The following NEGR1 variants were observed in gnomAD, a reference collection of about 807,000 sequenced individuals.
NEGR1 encodes the protein neuronal growth regulator 1, also known as IgLON family member 4.
In NEGR1, 10 loss-of-function variants were observed where a neutral mutation model predicts 40.9. That is an observed-to-expected ratio of 0.24 (90% CI 0.15 to 0.42). NEGR1 has a LOEUF of 0.42. Among genes scored for constraint, NEGR1 ranks in the 10% least tolerant of loss-of-function variants. The probability of loss-of-function intolerance (pLI) is 1.00; values close to 1 mark genes in which losing one functional copy is unlikely to be tolerated. For missense variants in NEGR1, 352 were observed against 438.9 expected (o/e 0.80, Z 1.77); for synonymous variants, 185 against 166.8 (o/e 1.11, Z -0.84).
intron 2 of NEGR1, among the ~76,000 whole-genome samples, chr1:71,799,007 C>A (rs994329301): frequency 2.0e-5 from 3 of 151,228 alleles, no homozygotes; most frequent in African/African-American, 7.3e-5. Context: ...GAGCCTTGAG[C>A]CTTTTGAGGG....
chr1:71,938,311 A>C (rs541030585), intron 1 of NEGR1, among the ~76,000 whole-genome samples: 1 of 151,836 alleles, frequency 6.6e-6, no homozygotes, highest in African/African-American at 2.4e-5. Context: ...TAGAGAATAC[A>C]TGTAGTTTAA....
chr1:72,190,053 T>C (rs867269049), intron 1 of NEGR1, among the ~76,000 whole-genome samples: 1 of 151,572 alleles, frequency 6.6e-6, no homozygotes, highest in African/African-American at 2.4e-5. Flanking sequence ...TCTCTAAATT[T>C]AATAGTTAAA....
intron 3 of NEGR1, among the ~76,000 whole-genome samples, chr1:71,774,824 AT>A (rs1481676648): frequency 2.0e-5 from 3 of 152,178 alleles, no homozygotes; most frequent in Admixed American, 2.0e-4. Context: ...CAACTTGATA[AT>A]TCTGTTAGCA....
At chr1:72,236,909 T>C (rs548120888) in intron 1 of NEGR1, among the ~76,000 whole-genome samples, 1 of 152,102 alleles carries the variant, frequency 6.6e-6, no homozygotes, top group Admixed American at 6.6e-5. Flanking sequence ...GGTTAAAATA[T>C]TTTGCGTTAA....
intron 1 of NEGR1, among the ~76,000 whole-genome samples, chr1:72,004,205 CAT>C (rs1006179310): frequency 6.6e-6 from 1 of 151,956 alleles, no homozygotes; most frequent in Non-Finnish European, 1.5e-5. Context: ...TACACACACA[CAT>C]GCGTACATAT....
intron 1 of NEGR1, among the ~76,000 whole-genome samples, chr1:71,997,958 G>T (rs992421949): frequency 6.6e-6 from 1 of 151,826 alleles, no homozygotes; most frequent in Non-Finnish European, 1.5e-5. Flanking sequence ...AACATTTTTA[G>T]GCTTTGCATT....
At chr1:71,538,350 GT>G (rs1166587180) in intron 6 of NEGR1, among the ~76,000 whole-genome samples, 1 of 151,584 alleles carries the variant, frequency 6.6e-6, no homozygotes, top group Non-Finnish European at 1.5e-5. Context: ...TGGTTTCTAG[GT>G]TGTTATTTTA....
chr1:71,622,527 G>T (rs1310526070), intron 4 of NEGR1, among the ~76,000 whole-genome samples: 2 of 151,778 alleles, frequency 1.3e-5, no homozygotes, highest in African/African-American at 4.8e-5. Context: ...TAAAACATAA[G>T]AATTTTTTTG....
At position 72,036,256 on chromosome 1, in the gene NEGR1, G is replaced by A. The variant is rs574394027; in HGVS notation, c.177-100945C>T. Reference sequence around the variant, plus strand: ...TTCATATAGCTTATTTATTTATATAGATGTGAATTTAGCTTTGAAATATAA... The same window carrying A: ...TTCATATAGCTTATTTATTTATATAAATGTGAATTTAGCTTTGAAATATAA... On this transcript the variant is annotated intron_variant, in intron 1 of 6. Coordinates refer to ENST00000357731, the MANE Select transcript of NEGR1 (RefSeq NM_173808.3). Among the ~76,000 whole-genome samples, 10 of 152,132 alleles carry A rather than the reference G, an allele frequency of 6.6e-5. No homozygotes were observed. The South Asian group carries it at 1.9e-3, about 28-fold the overall frequency.
chr1:71,524,903 A>G (rs1251643514), intron 6 of NEGR1, among the ~76,000 whole-genome samples: 1 of 151,744 alleles, frequency 6.6e-6, no homozygotes, highest in Non-Finnish European at 1.5e-5. Context: ...GAGCAAAAGA[A>G]CATGGACAGC....
rs567914636 is a variant in NEGR1 at position 71,815,117 on chromosome 1, A to G, written c.410-38820T>C. 3.9e-4 allele frequency among the ~76,000 whole-genome samples: 59 copies of G among 152,162 alleles called. 2 individuals are homozygous for G. The South Asian group carries it at 0.011, about 28-fold the overall frequency. On this transcript the variant is annotated intron_variant, in intron 2 of 6. Transcript: ENST00000357731. Reference sequence around the variant, plus strand: ...TCCAGTATGTTGTCTCTTTGCTCTCATTGGTTTCAAAGAACTTATTGATTT... The same window carrying G: ...TCCAGTATGTTGTCTCTTTGCTCTCGTTGGTTTCAAAGAACTTATTGATTT...
intron 6 of NEGR1, among the ~76,000 whole-genome samples, chr1:71,545,174 G>A (rs2101462051): frequency 6.6e-6 from 1 of 151,722 alleles, no homozygotes; most frequent in Non-Finnish European, 1.5e-5. Context: ...GTGGGGGAGT[G>A]GTGTGGGGTA....
intron 1 of NEGR1, among the ~76,000 whole-genome samples, chr1:72,227,627 C>A (rs1654234539): frequency 6.6e-6 from 1 of 152,060 alleles, no homozygotes; most frequent in African/African-American, 2.4e-5. Flanking sequence ...AGCTTAGACT[C>A]TTCCTTTACC....
At chr1:71,588,875 A>G (rs1323934668) in intron 6 of NEGR1, among the ~76,000 whole-genome samples, 1 of 152,138 alleles carries the variant, frequency 6.6e-6, no homozygotes, top group African/African-American at 2.4e-5. Flanking sequence ...CGGATCAGGG[A>G]GCTGCTCATA....
At chr1:71,948,535 C>T (rs575184713) in intron 1 of NEGR1, among the ~76,000 whole-genome samples, 13 of 150,446 alleles carry the variant, frequency 8.6e-5, no homozygotes, top group South Asian at 8.4e-4. Context: ...ATATTTGGTA[C>T]GAAAATGGAC....
chr1:71,709,489 C>G (rs1307175867), intron 3 of NEGR1, among the ~76,000 whole-genome samples: 1 of 151,934 alleles, frequency 6.6e-6, no homozygotes, highest in Non-Finnish European at 1.5e-5. Context: ...GCTATAGTAA[C>G]CAAAACAGGA....
intron 5 of NEGR1, among the ~76,000 whole-genome samples, chr1:71,597,462 CTCTCTCTCTCTGTGTG>C (rs1649755969): frequency 3.3e-5 from 1 of 30,144 alleles, no homozygotes; most frequent in Admixed American, 4.1e-4. Flanking sequence ...CTCTCTCTCT[CTCTCTCTCTCTGTGTG>C]TGTGTGTGTG....
intron 2 of NEGR1, among the ~76,000 whole-genome samples, chr1:71,921,963 A>T (rs985757661): frequency 2.0e-5 from 3 of 151,994 alleles, no homozygotes; most frequent in African/African-American, 7.2e-5. Context: ...ATGGTCTAAT[A>T]CAGAGAAGTT....
intron 6 of NEGR1, among the ~76,000 whole-genome samples, chr1:71,432,242 C>A (rs1301950942): frequency 6.6e-6 from 1 of 152,128 alleles, no homozygotes; most frequent in East Asian, 1.9e-4. Context: ...AGACAAGAAT[C>A]CATAGCAATA....
Sources: allele counts gnomAD v4.1 joint callset (sites outside exome capture counted in the v4.1 genomes callset), GRCh38; gene constraint gnomAD v4.1.1; transcripts MANE v1.5; gene names NCBI Gene and HGNC (gene_info 2026-07-23, HGNC 2026-07-21).